Variants in CCM2L observed in about 807,000 individuals in gnomAD.
CCM2L encodes CCM2 like scaffold protein, also known as cerebral cavernous malformations 2 protein-like.
CCM2L carries 36 observed loss-of-function variants against 54.1 expected under a neutral mutation model. That is an observed-to-expected ratio of 0.67 (90% CI 0.51 to 0.88). CCM2L has a LOEUF of 0.88. CCM2L is among the 40% of genes least tolerant of loss of function. The pLI, the probability that CCM2L is intolerant of heterozygous loss-of-function variation, is 0.00. For missense variants in CCM2L, 700 were observed against 812.1 expected (o/e 0.86, Z 1.68); for synonymous variants, 351 against 359.3 (o/e 0.98, Z 0.26).
chr20:32,029,831 C>A lies in CCM2L; in HGVS notation c.1395C>A (p.Leu465=). The stretch of plus-strand genomic sequence containing the variant: ...TCTACGGAGACCGGCGCAAGTTCCT[C>A]CTCCTTGGTGAGCCCCCGCTGTACC... ...LKLYGDRRKF[L]LLGMRPFIPD... Residue 465 remains leucine, a synonymous_variant, in exon 9 of 10, where the codon CTC becomes CTA. Coordinates refer to ENST00000452892, the MANE Select transcript of CCM2L (RefSeq NM_001365692.1). The A allele has an allele frequency of 6.2e-7, 1 of 1,602,960 alleles. No homozygotes were observed.
chr20:32,011,015 G>A (rs74678501), intron 1 of CCM2L, among the ~76,000 whole-genome samples: 1 of 152,338 alleles, frequency 6.6e-6, no homozygotes, highest in East Asian at 1.9e-4. Flanking sequence ...TGACTCTGAA[G>A]TTTTCTAGTA....
At chr20:32,028,958 G>A (rs1179114883) in intron 7 of CCM2L, 37 bp from the exon 8 acceptor site, 1 of 1,612,202 alleles carries the variant, frequency 6.2e-7, no homozygotes, top group Admixed American at 1.7e-5. Flanking sequence ...AGGAGCTGGA[G>A]GGAGGCGAGT....
chr20:32,011,583 G>A (rs2064695857), intron 1 of CCM2L, among the ~76,000 whole-genome samples: 1 of 152,082 alleles, frequency 6.6e-6, no homozygotes, highest in Non-Finnish European at 1.5e-5. Flanking sequence ...GACAGAGTGA[G>A]ACTCTGTCTA....
At chr20:32,017,644 G>A (rs1284737874) in intron 2 of CCM2L, among the ~76,000 whole-genome samples, 156 bp from the exon 3 acceptor site, 1 of 152,158 alleles carries the variant, frequency 6.6e-6, no homozygotes, top group East Asian at 1.9e-4. Context: ...ACTTTGCCTA[G>A]CTTCTATTAA....
At position 32,029,799 on chromosome 20, in the gene CCM2L, C is replaced by T; in HGVS notation, c.1363C>T (p.Leu455=). 6.2e-7 allele frequency: 1 copy of T among 1,612,328 alleles called. No individual in the cohort carries two copies. The highest frequency in any genetic ancestry group is 2.2e-5 in the East Asian group (1 of 44,732). Reference sequence around the variant, plus strand: ...CATCCAGGACTATTGCACAGGCCTGCTGAAGCTCTACGGAGACCGGCGCAA... The same window carrying T: ...CATCCAGGACTATTGCACAGGCCTGTTGAAGCTCTACGGAGACCGGCGCAA... ...LPIQDYCTGL[L]KLYGDRRKFL... is the part of the protein sequence containing the mutation. Residue 455 remains leucine (L), a synonymous_variant, in exon 9 of 10, where the codon CTG becomes TTG. Transcript: ENST00000452892.
intron 4 of CCM2L, 33 bp from the exon 5 acceptor site, chr20:32,018,910 C>T: frequency 7.8e-7 from 1 of 1,276,834 alleles, no homozygotes. Flanking sequence ...GAGTCCCGAT[C>T]CCCGCGGCTG....
chr20:32,015,701 C>G (rs193023012), intron 2 of CCM2L, among the ~76,000 whole-genome samples: 6 of 152,260 alleles, frequency 3.9e-5, no homozygotes, highest in Admixed American at 2.6e-4. Context: ...AGAATCCTCC[C>G]TCCTATTTGT....
At chr20:32,024,450 GA>G (rs2064835265) in intron 6 of CCM2L, among the ~76,000 whole-genome samples, 2 of 152,204 alleles carry the variant, frequency 1.3e-5, no homozygotes, top group Admixed American at 1.3e-4. Context: ...TTATTCTGGT[GA>G]GCAAAACCAG....
intron 2 of CCM2L, among the ~76,000 whole-genome samples, chr20:32,017,143 C>CA (rs1357892861): frequency 9.9e-5 from 15 of 151,600 alleles, no homozygotes; most frequent in Middle Eastern, 6.8e-3. Flanking sequence ...GAGACTATCT[C>CA]AAAAAAAAGT....
Position 32,018,177 on chromosome 20 carries a change from GGC to G in CCM2L, c.466+17_466+18del. 1.0e-6 allele frequency: 1 copy of G among 993,744 alleles called. No homozygotes were observed. The highest frequency in any genetic ancestry group is 1.2e-6 in the Non-Finnish European group (1 of 807,162). 61.6% of individuals were successfully genotyped at this position (993,744 alleles called of 1,614,324 possible). A position where few individuals can be genotyped will look rare whatever the true frequency, so the allele number is the denominator to read the frequency against. On this transcript the variant is annotated intron_variant, in intron 4 of 9. Transcript: ENST00000452892. ...GCTCAAGACCGGTGCGGCGGGAGGG[GGC>G]GGGGGCGGGGGAGGGGCGGGGGCGG...
chr20:32,031,980 G>GT lies in CCM2L; in HGVS notation c.*672dup, dbSNP rs1019395004. ...TCTGGTCTTAAGACCCCAAACAAGGGTTTTTTCAGCTCCAGGATCTGGAGC... is the reference window on the plus strand; with the variant it reads ...TCTGGTCTTAAGACCCCAAACAAGGGTTTTTTTCAGCTCCAGGATCTGGAGC... On this transcript the variant is annotated 3_prime_UTR_variant, in exon 10 of 10. Transcript: ENST00000452892. The GT allele has an allele frequency of 2.0e-5, 3 of 152,066 alleles. No individual in the cohort carries two copies. The highest frequency in any genetic ancestry group is 2.9e-5 in the Non-Finnish European group (2 of 68,024). 9.4% of individuals were successfully genotyped at this position (152,066 alleles called of 1,614,324 possible). A position where few individuals can be genotyped will look rare whatever the true frequency, so the allele number is the denominator to read the frequency against.
At chr20:32,018,225 CGGGGGCGGGGCAGGGGCA>C in intron 4 of CCM2L, 63 bp downstream of exon 4, 1 of 4,690 alleles carries the variant, frequency 2.1e-4, no homozygotes, top group Non-Finnish European at 3.5e-4. Flanking sequence ...GGGGCGGGGG[CGGGGGCGGGGCAGGGGCA>C]GGGGCAGGGG....
chr20:32,016,597 G>A (rs995327044), intron 2 of CCM2L, among the ~76,000 whole-genome samples: 5 of 151,436 alleles, frequency 3.3e-5, no homozygotes, highest in South Asian at 2.1e-4. Flanking sequence ...CAGAGGCTGC[G>A]GTGAGCCGAG....
chr20:32,017,865 G>C lies in CCM2L; in HGVS notation c.264G>C (p.Gln88His), dbSNP rs951015362. 1.2e-6 allele frequency: 2 copies of C among 1,613,940 alleles called. No individual in the cohort carries two copies. Among genetic ancestry groups the C allele is most frequent in the Admixed American group, 3.3e-5 (2 of 59,998 alleles). The stretch of plus-strand genomic sequence containing the variant: ...CCTCCAGTCGGGACGAGCTCCTGCA[G>C]CTGCTAGACACCGCCAGGGTGAGAC... ...LNPSSRDELL[Q>H]LLDTARQLKE... The change falls in exon 3 of 10, where the codon CAG becomes CAC. Residue 88 changes from glutamine (Q) to histidine (H), a missense_variant. Transcript: ENST00000452892.
At chr20:32,017,733 G>A in intron 2 of CCM2L, 67 bp from the exon 3 acceptor site, 1 of 1,270,048 alleles carries the variant, frequency 7.9e-7, no homozygotes, top group Non-Finnish European at 1.2e-6. Flanking sequence ...TCAATGAGAA[G>A]GCCAGGGTTC....
chr20:32,010,560 T>TGGGGGCCAACGGGGGGGGGGGG, intron 1 of CCM2L, 76 bp downstream of exon 1: 1 of 105,748 alleles, frequency 9.5e-6, no homozygotes, highest in Non-Finnish European at 1.8e-5. Context: ...TGGGGCGGGG[T>TGGGGGCCAACGGGGGGGGGGGG]GGGGGGTCGG....
intron 1 of CCM2L, among the ~76,000 whole-genome samples, chr20:32,014,593 C>T (rs918948370): frequency 6.6e-6 from 1 of 152,102 alleles, no homozygotes; most frequent in Admixed American, 6.6e-5. Flanking sequence ...TCTGTATTTG[C>T]CCCAGCCTAG....
rs549642057 is a variant in CCM2L at position 32,015,956 on chromosome 20, A to T, written c.198+885A>T. 3.3e-5 allele frequency among the ~76,000 whole-genome samples: 5 copies of T among 149,762 alleles called. No homozygotes were observed. The Admixed American group carries it at 3.4e-4, about 10-fold the overall frequency. On this transcript the variant is annotated intron_variant, in intron 2 of 9. Coordinates refer to ENST00000452892, the MANE Select transcript of CCM2L (RefSeq NM_001365692.1). ...ACTGTAACCTCCGCCTCCCGGGCTC[A>T]AACAATTCTCCTGCCTCAGCCTCCT...
At chr20:32,013,775 C>T (rs1372601702) in intron 1 of CCM2L, among the ~76,000 whole-genome samples, 2 of 152,096 alleles carry the variant, frequency 1.3e-5, no homozygotes, top group Non-Finnish European at 2.9e-5. Flanking sequence ...TAAAGGATAG[C>T]CAGGGCTGGG....
Sources: allele counts gnomAD v4.1 joint callset (sites outside exome capture counted in the v4.1 genomes callset), GRCh38; gene constraint gnomAD v4.1.1; transcripts MANE v1.5; gene names NCBI Gene and HGNC (gene_info 2026-07-23, HGNC 2026-07-21).